TSNARE1: variants seen among roughly 807,000 people sequenced by gnomAD.
TSNARE1 encodes t-SNARE domain-containing protein 1.
In TSNARE1, 49 loss-of-function variants were observed where a neutral mutation model predicts 62.0. That is an observed-to-expected ratio of 0.79 (90% CI 0.63 to 1.00). The LOEUF is 1.00. TSNARE1 is among the 50% of genes least tolerant of loss of function. The pLI is 0.00. For missense variants in TSNARE1, 755 were observed against 700.1 expected (o/e 1.08, Z -0.88); for synonymous variants, 328 against 294.4 (o/e 1.11, Z -1.17).
intron 11 of TSNARE1, chr8:142,278,572 G>A (rs1217856367): frequency 1.0e-5 from 10 of 985,422 alleles, no homozygotes; most frequent in South Asian, 4.7e-5. Context: ...GAGGAGGTGC[G>A]GTGGGAGGAG....
chr8:142,254,085 A>G (rs1274430861), intron 12 of TSNARE1, among the ~76,000 whole-genome samples: 1 of 152,182 alleles, frequency 6.6e-6, no homozygotes, highest in Non-Finnish European at 1.5e-5. Context: ...CCTCCCTTCC[A>G]CCTTCTTCTT....
chr8:142,301,060 C>T (rs895821722), intron 9 of TSNARE1, among the ~76,000 whole-genome samples: 4 of 151,046 alleles, frequency 2.6e-5, no homozygotes, highest in Middle Eastern at 6.9e-3. Context: ...AGCCCTTCCT[C>T]CCCTCCCGTC....
chr8:142,335,459 A>T (rs1831625822), intron 4 of TSNARE1, among the ~76,000 whole-genome samples: 1 of 152,212 alleles, frequency 6.6e-6, no homozygotes. Flanking sequence ...ATACGGTGCT[A>T]CTTGAAGGCG....
At chr8:142,396,567 C>A (rs1189754595) in intron 1 of TSNARE1, among the ~76,000 whole-genome samples, 1 of 152,216 alleles carries the variant, frequency 6.6e-6, no homozygotes, top group African/African-American at 2.4e-5. Context: ...TCTAACTCAA[C>A]AGGGAATTTT....
At chr8:142,315,612 G>A (rs896733210) in intron 7 of TSNARE1, among the ~76,000 whole-genome samples, 1 of 151,814 alleles carries the variant, frequency 6.6e-6, no homozygotes, top group Non-Finnish European at 1.5e-5. Context: ...AGCTGGAGAA[G>A]CACGGAGCCG....
At chr8:142,241,751 G>A (rs921625131) in intron 12 of TSNARE1, among the ~76,000 whole-genome samples, 3 of 152,198 alleles carry the variant, frequency 2.0e-5, no homozygotes, top group Non-Finnish European at 2.9e-5. Context: ...TACGTCATGG[G>A]GATATGACAG....
At chr8:142,270,291 C>T in intron 12 of TSNARE1, 1 of 985,402 alleles carries the variant, frequency 1.0e-6, no homozygotes, top group South Asian at 4.7e-5. Context: ...TGCCCAGGCC[C>T]CCGCAGGGAG....
intron 11 of TSNARE1, chr8:142,276,868 C>T (rs1820586771): frequency 1.0e-6 from 1 of 985,332 alleles, no homozygotes; most frequent in African/African-American, 1.7e-5. Context: ...TTCAAGACAC[C>T]TCACACAACC....
At chr8:142,287,975 G>A (rs999181260) in intron 10 of TSNARE1, among the ~76,000 whole-genome samples, 22 of 152,336 alleles carry the variant, frequency 1.4e-4, no homozygotes, top group African/African-American at 4.3e-4. Flanking sequence ...AGGACGTCCC[G>A]TGCTGCAGCC....
chr8:142,289,222 C>T lies in TSNARE1; in HGVS notation c.1291-4737G>A, dbSNP rs544885553. On this transcript the variant is annotated intron_variant, in intron 10 of 13. Coordinates refer to ENST00000524325, the MANE Select transcript of TSNARE1 (RefSeq NM_145003.5). ...GGGAGGCAAAGCCTGAACAGCAGCT[C>T]GGGCTCCAGGCAAGCAGCCACAGTT... is the stretch of plus-strand genomic sequence containing the variant. Among the ~76,000 whole-genome samples the T allele has an allele frequency of 4.6e-5, 7 of 152,320 alleles. No homozygotes were observed. The South Asian group carries it at 1.5e-3, about 32-fold the overall frequency.
At chr8:142,338,331 T>C (rs1338531441) in intron 4 of TSNARE1, among the ~76,000 whole-genome samples, 1 of 152,186 alleles carries the variant, frequency 6.6e-6, no homozygotes, top group Non-Finnish European at 1.5e-5. Context: ...CCCCACCTGC[T>C]CTTCACTGAA....
intron 1 of TSNARE1, among the ~76,000 whole-genome samples, chr8:142,388,399 G>T (rs891486544): frequency 2.0e-5 from 3 of 150,634 alleles, no homozygotes; most frequent in African/African-American, 7.3e-5. Context: ...ACAAAAATAG[G>T]TAAGAGAAAG....
At chr8:142,293,881 G>A (rs1423500687) in intron 10 of TSNARE1, among the ~76,000 whole-genome samples, 2 of 152,242 alleles carry the variant, frequency 1.3e-5, no homozygotes, top group Non-Finnish European at 2.9e-5. Context: ...GGGGGCGGGA[G>A]AGGAGGGGCC....
chr8:142,363,664 C>T (rs1048667743), intron 1 of TSNARE1, among the ~76,000 whole-genome samples: 1 of 152,140 alleles, frequency 6.6e-6, no homozygotes, highest in Non-Finnish European at 1.5e-5. Context: ...AACTGGTCCC[C>T]ACAGGAGCCT....
chr8:142,313,900 T>TC (rs1348047595), intron 9 of TSNARE1, among the ~76,000 whole-genome samples: 1 of 152,200 alleles, frequency 6.6e-6, no homozygotes, highest in East Asian at 1.9e-4. Context: ...TGCCTCAGCC[T>TC]CCCATGTAGC....
intron 12 of TSNARE1, chr8:142,269,894 C>T: frequency 1.0e-6 from 1 of 985,470 alleles, no homozygotes; most frequent in Non-Finnish European, 1.2e-6. Flanking sequence ...AAGTTACTGA[C>T]ACATTGCTGG....
At chr8:142,285,494 T>C (rs1822577670) in intron 10 of TSNARE1, among the ~76,000 whole-genome samples, 1 of 124,452 alleles carries the variant, frequency 8.0e-6, no homozygotes, top group Middle Eastern at 4.1e-3. Flanking sequence ...GATGGGTGGA[T>C]AGGTGGGTGG....
In TSNARE1 at chr8:142,344,139, AG is replaced by A. The variant is rs763782955; in HGVS notation, c.571del (p.Leu191TyrfsTer85). 1.1e-4 allele frequency: 174 copies of A among 1,612,750 alleles called. 1 individual carries two copies. Among genetic ancestry groups the A allele is most frequent in the Non-Finnish European group, 1.9e-5 (22 of 1,179,760 alleles). On this transcript the variant is annotated frameshift_variant, in exon 4 of 14. Coordinates refer to ENST00000524325, the MANE Select transcript of TSNARE1 (RefSeq NM_145003.5). LOFTEE classifies it high-confidence loss of function. ...VVDLKHKWRD[L>X]RAVVRRKLGD... is the part of the protein sequence containing the mutation. ...CAGCTTGCGCCGCACGACGGCTCGT[AG>A]GTCCCGCCACTTGTGCTTCAGGTCC...
At chr8:142,222,496 TC>T (rs1816377705) in intron 13 of TSNARE1, among the ~76,000 whole-genome samples, 1 of 93,664 alleles carries the variant, frequency 1.1e-5, no homozygotes, top group African/African-American at 3.9e-5. Flanking sequence ...ACTCATCCAC[TC>T]ACTCATCCAC....
Sources: allele counts gnomAD v4.1 joint callset (sites outside exome capture counted in the v4.1 genomes callset), GRCh38; gene constraint gnomAD v4.1.1; transcripts MANE v1.5; gene names NCBI Gene and HGNC (gene_info 2026-07-23, HGNC 2026-07-21).